CABIN1: variants seen among roughly 807,000 people sequenced by gnomAD.
The protein encoded by CABIN1 is calcineurin-binding protein cabin-1.
Under a neutral mutation model 227.7 loss-of-function variants are expected in CABIN1, and 133 were observed. That is an observed-to-expected ratio of 0.58 (90% CI 0.51 to 0.67). The LOEUF (loss-of-function observed/expected upper bound fraction) is 0.67, where lower values mean the gene tolerates loss of function less well. CABIN1 is among the 30% of genes least tolerant of loss of function. The probability of loss-of-function intolerance (pLI) is 0.00; values close to 1 mark genes in which losing one functional copy is unlikely to be tolerated. For synonymous variants in CABIN1, 1,086 were observed against 1,155.1 expected, an observed-to-expected ratio of 0.94 and a Z score of 1.21; for missense variants, 2,408 against 2,852.5, an observed-to-expected ratio of 0.84 and a Z score of 3.55.
intron 29 of CABIN1, chr22:24,155,969 C>G: frequency 1.9e-6 from 1 of 536,822 alleles, no homozygotes; most frequent in Non-Finnish European, 3.2e-6. Flanking sequence ...TCCGGCCGCG[C>G]CTGCCCCGCC....
intron 26 of CABIN1, among the ~76,000 whole-genome samples, chr22:24,101,273 TAAGATTTAGAA>T (rs1169764601): frequency 6.6e-6 from 1 of 152,184 alleles, no homozygotes; most frequent in Non-Finnish European, 1.5e-5. Context: ...TGATTTGGTT[TAAGATTTAGAA>T]AAGATTTAGA....
chr22:24,104,272 C>T (rs770671100), intron 26 of CABIN1, among the ~76,000 whole-genome samples: 37 of 152,224 alleles, frequency 2.4e-4, no homozygotes, highest in Non-Finnish European at 3.8e-4. Flanking sequence ...CCTTACAGAA[C>T]TGCTTCGCTT....
rs762842364 is a variant in CABIN1 at position 24,038,303 on chromosome 22, C to T, written c.97-45C>T. On this transcript the variant is annotated intron_variant, in intron 3 of 36. Coordinates refer to ENST00000263119, the MANE Select transcript of CABIN1 (RefSeq NM_012295.4). ...ACACACATTTTTGGCTTAAAAAAGA[C>T]AGATCTTTATGCTGTATGAAAACAT... 5 of 1,510,442 alleles carry T rather than the reference C, an allele frequency of 3.3e-6. No homozygotes were observed. In the South Asian group the frequency reaches 3.4e-5, roughly 10 times the overall value. The allele number at this position is 1,510,442 out of a possible 1,614,324, so 93.6% of individuals were successfully genotyped here.
At chr22:24,015,502 G>A (rs2035208527) in intron 1 of CABIN1, among the ~76,000 whole-genome samples, 1 of 151,150 alleles carries the variant, frequency 6.6e-6, no homozygotes, top group African/African-American at 2.4e-5. Flanking sequence ...CCACCACCGC[G>A]CCTGGCTAAT....
Position 24,137,175 on chromosome 22 carries a change from G to C in CABIN1, c.4746+2760G>C, listed in dbSNP as rs1602291268. Among the ~76,000 whole-genome samples the C allele has an allele frequency of 3.3e-5, 5 of 152,274 alleles. No individual in the cohort carries two copies. In the South Asian group the frequency reaches 1.0e-3, roughly 32 times the overall value. Reference sequence around the variant, plus strand: ...CCCTCTCTTCCTCTCTCCTTTTGGTGCTTTGCCCTTAAAGCCTGTGCAGTG... The same window carrying C: ...CCCTCTCTTCCTCTCTCCTTTTGGTCCTTTGCCCTTAAAGCCTGTGCAGTG... On this transcript the variant is annotated intron_variant, in intron 29 of 36. Transcript: ENST00000263119.
At position 24,166,686 on chromosome 22, in the gene CABIN1, G is replaced by T. The variant is rs777714318; in HGVS notation, c.5055G>T (p.Arg1685Ser). 2.5e-6 allele frequency: 4 copies of T among 1,612,748 alleles called. No homozygotes were observed. The South Asian group carries it at 4.4e-5, about 18-fold the overall frequency. Reference protein sequence around the residue: ...GPKVCGLPGARMTTDVSHKAS... With the variant: ...GPKVCGLPGASMTTDVSHKAS... ...AGGTCTGTGGCCTCCCCGGAGCCAG[G>T]ATGACCACCGATGTCTCACACAAGG... The change falls in exon 32 of 37, where the codon AGG becomes AGT. Residue 1685 changes from arginine to serine, a missense_variant. Physicochemically the swap from Arg to Ser is moderately radical, Grantham distance 110 (BLOSUM62 -1). Around this residue, in one of 3 missense-constraint regions of CABIN1, gnomAD observed 714 missense variants for 773.8 expected, o/e 0.92. Transcript: ENST00000263119.
intron 1 of CABIN1, 143 bp from the exon 2 acceptor site, chr22:24,035,301 G>A (rs1346076361): frequency 1.6e-6 from 1 of 626,662 alleles, no homozygotes; most frequent in Non-Finnish European, 2.9e-6. Context: ...TTGTGTGTTA[G>A]ACCACACCGC....
At chr22:24,114,678 G>A (rs1417218774) in intron 27 of CABIN1, among the ~76,000 whole-genome samples, 1 of 152,206 alleles carries the variant, frequency 6.6e-6, no homozygotes, top group East Asian at 1.9e-4. Flanking sequence ...CTCCCTGAGG[G>A]ACCCAGGCCT....
At chr22:24,084,854 A>G in intron 21 of CABIN1, 69 bp downstream of exon 21, 3 of 1,571,398 alleles carry the variant, frequency 1.9e-6, no homozygotes, top group South Asian at 1.1e-5. Context: ...CCACTGCTGT[A>G]TATGCTCCTT....
intron 29 of CABIN1, among the ~76,000 whole-genome samples, chr22:24,143,025 A>C (rs1452629111): frequency 6.6e-6 from 1 of 152,210 alleles, no homozygotes; most frequent in African/African-American, 2.4e-5. Flanking sequence ...TGTGTGGTCC[A>C]AAAGGGCTCA....
intron 25 of CABIN1, among the ~76,000 whole-genome samples, chr22:24,096,547 G>A (rs1602060632): frequency 6.6e-6 from 1 of 152,302 alleles, no homozygotes; most frequent in South Asian, 2.1e-4. Flanking sequence ...CGGAGAGACT[G>A]GGGCTCAGGT....
At chr22:24,042,872 G>GTGTGTGTGTGTT in intron 5 of CABIN1, 32 bp from the exon 6 acceptor site, 1 of 1,371,740 alleles carries the variant, frequency 7.3e-7, no homozygotes, top group Non-Finnish European at 1.0e-6. Flanking sequence ...GTGTGTGTGT[G>GTGTGTGTGTGTT]TGTGTTTGCC....
At chr22:24,142,971 T>A (rs551624022) in intron 29 of CABIN1, among the ~76,000 whole-genome samples, 1 of 152,198 alleles carries the variant, frequency 6.6e-6, no homozygotes, top group East Asian at 1.9e-4. Flanking sequence ...TTGCTCACAC[T>A]TCAAGGAGCA....
Position 24,083,408 on chromosome 22 carries a change from G to A in CABIN1, c.2910+19G>A, listed in dbSNP as rs1429850184. On this transcript the variant is annotated intron_variant, in intron 20 of 36. Transcript: ENST00000263119. Reference sequence around the variant, plus strand: ...CCAGCAGGTGAGGGTGCTGCAATAGGCCCAACAAAGAGGGAAGCAGGAGCT... The same window carrying A: ...CCAGCAGGTGAGGGTGCTGCAATAGACCCAACAAAGAGGGAAGCAGGAGCT... 1 of 1,613,558 alleles carries A rather than the reference G, an allele frequency of 6.2e-7. No homozygotes were observed. The highest frequency in any genetic ancestry group is 1.3e-5 in the African/African-American group (1 of 75,038).
chr22:24,148,037 G>A (rs2045259297), intron 29 of CABIN1, among the ~76,000 whole-genome samples: 2 of 152,194 alleles, frequency 1.3e-5, no homozygotes, highest in South Asian at 2.1e-4. Flanking sequence ...CCTGGCAGGG[G>A]CAGGGACTAC....
Position 24,050,818 on chromosome 22 carries a change from C to A in CABIN1, c.657-7C>A. The A allele has an allele frequency of 6.2e-7, 1 of 1,614,182 alleles. No individual in the cohort carries two copies. Among genetic ancestry groups the A allele is most frequent in the Non-Finnish European group, 8.5e-7 (1 of 1,180,010 alleles). On this transcript the variant is annotated splice_polypyrimidine_tract_variant and splice_region_variant and intron_variant, in intron 7 of 36. Coordinates refer to ENST00000263119, the MANE Select transcript of CABIN1 (RefSeq NM_012295.4). Reference sequence around the variant, plus strand: ...TGATAATTTCTCCCTGTCTCACATGCTTTTAGTGACATGTCGATTCACGAT... The same window carrying A: ...TGATAATTTCTCCCTGTCTCACATGATTTTAGTGACATGTCGATTCACGAT...
chr22:24,049,329 CTCT>C, intron 7 of CABIN1, 109 bp downstream of exon 7: 2 of 1,370,004 alleles, frequency 1.5e-6, no homozygotes, highest in Non-Finnish European at 2.0e-6. Context: ...AGCCCCTGTG[CTCT>C]GGGGCTTCAT....
At chr22:24,117,286 T>C (rs1602176658) in intron 27 of CABIN1, among the ~76,000 whole-genome samples, 1 of 152,192 alleles carries the variant, frequency 6.6e-6, no homozygotes, top group Non-Finnish European at 1.5e-5. Flanking sequence ...CACTATAGCC[T>C]CAACCTCCTG....
intron 15 of CABIN1, among the ~76,000 whole-genome samples, chr22:24,065,958 A>G (rs1601880063): frequency 2.0e-5 from 3 of 152,364 alleles, no homozygotes; most frequent in East Asian, 1.9e-4. Context: ...GCAGCAGTAC[A>G]GTCCAGCTTC....
Sources: gnomAD v4.1 joint callset for allele counts (sites outside exome capture counted in the v4.1 genomes callset) on GRCh38, gnomAD v4.1.1 for gene constraint, gnomAD v4.1.1 regional missense constraint, MANE v1.5 for transcripts, NCBI Gene and HGNC (gene_info 2026-07-23, HGNC 2026-07-21) for gene names.